The following KCNT2 variants were observed in gnomAD, a reference collection of about 807,000 sequenced individuals.
KCNT2 encodes the protein potassium sodium-activated channel subfamily T member 2.
KCNT2 carries 67 observed loss-of-function variants against 153.8 expected under a neutral mutation model. That is an observed-to-expected ratio of 0.44 (90% CI 0.36 to 0.53). KCNT2 has a LOEUF of 0.53. Ranked by LOEUF, KCNT2 falls within the 20% of genes least tolerant of loss-of-function variation. The pLI, the probability that KCNT2 is intolerant of heterozygous loss-of-function variation, is 0.00. For synonymous variants in KCNT2, 500 were observed against 458.8 expected (o/e 1.09, Z -1.15); for missense variants, 975 against 1,354.8 (o/e 0.72, Z 4.40).
chr1:196,598,822 G>A (rs1347765135), intron 1 of KCNT2, among the ~76,000 whole-genome samples: 3 of 152,232 alleles, frequency 2.0e-5, no homozygotes, highest in Admixed American at 1.3e-4. Context: ...AAAGTAATAC[G>A]TAATACATGT....
At chr1:196,385,171 T>C (rs1162438889) in intron 13 of KCNT2, among the ~76,000 whole-genome samples, 1 of 152,148 alleles carries the variant, frequency 6.6e-6, no homozygotes, top group Non-Finnish European at 1.5e-5. Context: ...TTCTTCAACA[T>C]CACCAACTTC....
chr1:196,340,886 G>A (rs1456904113), intron 15 of KCNT2, among the ~76,000 whole-genome samples: 2 of 151,784 alleles, frequency 1.3e-5, no homozygotes, highest in African/African-American at 2.4e-5. Flanking sequence ...AACATAAACA[G>A]CATATCTTAC....
chr1:196,545,730 C>A (rs1041305955), intron 1 of KCNT2, among the ~76,000 whole-genome samples: 4 of 147,960 alleles, frequency 2.7e-5, no homozygotes, highest in East Asian at 2.0e-4. Flanking sequence ...CCCACCCCCC[C>A]AGCTCCAGCA....
intron 25 of KCNT2, among the ~76,000 whole-genome samples, chr1:196,274,978 C>T (rs1366104923): frequency 1.3e-5 from 2 of 151,802 alleles, no homozygotes; most frequent in African/African-American, 4.8e-5. Context: ...CTAATACCCC[C>T]AGTGGAACCT....
chr1:196,341,628 CTA>C (rs1227726985), intron 15 of KCNT2, among the ~76,000 whole-genome samples: 1 of 150,852 alleles, frequency 6.6e-6, no homozygotes, highest in Admixed American at 6.6e-5. Context: ...AAAAAAAGTT[CTA>C]TGTTTGAATT....
chr1:196,547,096 G>A (rs564861659), intron 1 of KCNT2, among the ~76,000 whole-genome samples: 4 of 151,996 alleles, frequency 2.6e-5, no homozygotes, highest in Middle Eastern at 3.4e-3. Flanking sequence ...AAAAGACAAC[G>A]TATTTTCATA....
intron 13 of KCNT2, among the ~76,000 whole-genome samples, chr1:196,395,135 T>A (rs1038457276): frequency 1.3e-5 from 2 of 151,548 alleles, no homozygotes; most frequent in East Asian, 3.9e-4. Flanking sequence ...TATATTCTTT[T>A]ATAAATATAT....
At chr1:196,567,606 A>G (rs959206138) in intron 1 of KCNT2, among the ~76,000 whole-genome samples, 1 of 152,228 alleles carries the variant, frequency 6.6e-6, no homozygotes, top group Non-Finnish European at 1.5e-5. Flanking sequence ...AGCAATTCAC[A>G]TGGGACTATG....
chr1:196,563,159 G>A (rs1242220097), intron 1 of KCNT2, among the ~76,000 whole-genome samples: 1 of 151,998 alleles, frequency 6.6e-6, no homozygotes, highest in East Asian at 1.9e-4. Flanking sequence ...GTTGCCAGGA[G>A]AGGAAATCAG....
chr1:196,446,768 C>T (rs948483036), intron 8 of KCNT2, among the ~76,000 whole-genome samples: 1 of 151,510 alleles, frequency 6.6e-6, no homozygotes, highest in South Asian at 2.1e-4. Flanking sequence ...TATTAAGCTA[C>T]TAATTAACTA....
chr1:196,420,121 C>T (rs961316439), intron 12 of KCNT2, among the ~76,000 whole-genome samples: 17 of 151,722 alleles, frequency 1.1e-4, no homozygotes, highest in African/African-American at 4.1e-4. Context: ...CTTCAATGTT[C>T]TTAGGTTTAC....
chr1:196,285,623 C>G, intron 23 of KCNT2, 34 bp downstream of exon 23: 1 of 1,306,186 alleles, frequency 7.7e-7, no homozygotes, highest in Non-Finnish European at 1.1e-6. Context: ...AGAAAACAAC[C>G]ATTTTAGAGA....
chr1:196,482,515 C>G, intron 3 of KCNT2, 136 bp from the exon 4 acceptor site: 1 of 510,568 alleles, frequency 2.0e-6, no homozygotes, highest in Non-Finnish European at 3.4e-6. Context: ...TTTGAAAAAA[C>G]GTTGTTGCCT....
At chr1:196,277,922 T>A (rs567276041) in intron 25 of KCNT2, among the ~76,000 whole-genome samples, 4 of 152,262 alleles carry the variant, frequency 2.6e-5, no homozygotes, top group African/African-American at 9.6e-5. Flanking sequence ...TTAATTGATA[T>A]CCCTTCCTAC....
At position 196,398,641 on chromosome 1, in the gene KCNT2, C is replaced by A; in HGVS notation, c.1216G>T (p.Val406Leu). 2 of 1,605,806 alleles carry A rather than the reference C, an allele frequency of 1.2e-6. No individual in the cohort carries two copies. The highest frequency in any genetic ancestry group is 1.7e-6 in the Non-Finnish European group (2 of 1,173,804). ...GGACAATTTGGAGCAAAATCTTTCA[C>A]AGCCCATGCTCTCAAAATTGTTTGG... is the stretch of plus-strand genomic sequence containing the variant. ...DHQTILRAWA[V>L]KDFAPNCPLY... Residue 406 changes from valine to leucine, a missense_variant, in exon 13 of 28, where the codon GTG becomes TTG. Val to Leu is a conservative substitution (Grantham distance 32). Coordinates refer to ENST00000294725, the MANE Select transcript of KCNT2 (RefSeq NM_198503.5).
At chr1:196,397,500 T>C (rs900128665) in intron 13 of KCNT2, among the ~76,000 whole-genome samples, 3 of 151,520 alleles carry the variant, frequency 2.0e-5, no homozygotes, top group Admixed American at 6.6e-5. Flanking sequence ...GCACCTATCA[T>C]ACTGTATAAA....
chr1:196,594,650 T>C (rs1369818973), intron 1 of KCNT2, among the ~76,000 whole-genome samples: 1 of 152,082 alleles, frequency 6.6e-6, no homozygotes, highest in Non-Finnish European at 1.5e-5. Flanking sequence ...TAATGGCATG[T>C]AGAATATATG....
At chr1:196,369,960 C>T (rs549974779) in intron 14 of KCNT2, among the ~76,000 whole-genome samples, 10 of 152,092 alleles carry the variant, frequency 6.6e-5, no homozygotes, top group Admixed American at 6.6e-4. Flanking sequence ...CCAAAAAACA[C>T]ATGAAAAAAT....
At chr1:196,487,371 G>T (rs1487200547) in intron 3 of KCNT2, among the ~76,000 whole-genome samples, 2 of 150,886 alleles carry the variant, frequency 1.3e-5, no homozygotes, top group East Asian at 3.9e-4. Flanking sequence ...ATCACAAAAT[G>T]CAGTGGGCTT....
Sources: allele counts gnomAD v4.1 joint callset (sites outside exome capture counted in the v4.1 genomes callset), GRCh38; gene constraint gnomAD v4.1.1; transcripts MANE v1.5; gene names NCBI Gene and HGNC (gene_info 2026-07-23, HGNC 2026-07-21).